Variants in NOP58 observed in about 807,000 individuals in gnomAD.
The protein encoded by NOP58 is nucleolar protein 58.
A neutral mutation model predicts 71.2 loss-of-function variants in NOP58; 44 were observed. The observed-to-expected ratio is 0.62, with a 90% CI of 0.49 to 0.79. The LOEUF is 0.79. NOP58 is among the 30% of genes least tolerant of loss of function. The probability of loss-of-function intolerance (pLI) is 0.00; values close to 1 mark genes in which losing one functional copy is unlikely to be tolerated. For missense variants in NOP58, 538 were observed against 620.2 expected (o/e 0.87, Z 1.41); for synonymous variants, 228 against 200.3 (o/e 1.14, Z -1.17).
intron 2 of NOP58, 124 bp from the exon 3 acceptor site, chr2:202,277,826 T>G: frequency 1.5e-6 from 1 of 650,396 alleles, no homozygotes; most frequent in Non-Finnish European, 2.8e-6. Flanking sequence ...TGATACACAA[T>G]GGTAGGCATG....
chr2:202,272,266 C>T (rs2105837347), intron 1 of NOP58, among the ~76,000 whole-genome samples: 1 of 149,688 alleles, frequency 6.7e-6, no homozygotes, highest in East Asian at 2.0e-4. Flanking sequence ...CATTCTGTTG[C>T]CTCAGCCTCC....
chr2:202,285,103 G>T (rs971907285), intron 5 of NOP58, among the ~76,000 whole-genome samples: 2 of 151,968 alleles, frequency 1.3e-5, no homozygotes, highest in African/African-American at 4.8e-5. Flanking sequence ...GTGCAGTGGC[G>T]TGATCTCTGC....
intron 7 of NOP58, among the ~76,000 whole-genome samples, chr2:202,290,767 T>A (rs1056869591): frequency 6.6e-6 from 1 of 151,754 alleles, no homozygotes; most frequent in African/African-American, 2.4e-5. Flanking sequence ...TGATTGATGG[T>A]TTACTTGCCT....
At chr2:202,271,770 C>T (rs1232296723) in intron 1 of NOP58, among the ~76,000 whole-genome samples, 1 of 152,172 alleles carries the variant, frequency 6.6e-6, no homozygotes, top group South Asian at 2.1e-4. Context: ...AAGCAAGCCC[C>T]TGTCTCTACA....
Position 202,292,798 on chromosome 2 carries a change from C to A in NOP58, c.802C>A (p.Arg268=). The change falls in exon 9 of 15, where the codon CGA becomes AGA. Residue 268 remains arginine, a synonymous_variant. Transcript: ENST00000264279. The part of the protein sequence containing the change: ...CTQVIEISEY[R]TQLYEYLQNR... ...CTAGGTGATTGAAATCTCTGAATAT[C>A]GAACCCAGCTCTATGAATATCTACA... is the stretch of plus-strand genomic sequence containing the variant. The A allele has an allele frequency of 6.2e-7, 1 of 1,610,860 alleles. No homozygotes were observed. The highest frequency in any genetic ancestry group is 8.5e-7 in the Non-Finnish European group (1 of 1,177,064).
chr2:202,299,048 C>A (rs2105857295), intron 12 of NOP58, among the ~76,000 whole-genome samples: 1 of 143,522 alleles, frequency 7.0e-6, no homozygotes, highest in African/African-American at 2.5e-5. Context: ...CAACCTCTGA[C>A]TCCCCGGTTC....
Position 202,301,359 on chromosome 2 carries a change from A to G in NOP58, c.1402+992A>G, listed in dbSNP as rs1352814438. Among the ~76,000 whole-genome samples the G allele has an allele frequency of 2.0e-5, 3 of 151,428 alleles. No individual in the cohort carries two copies. In the East Asian group the frequency reaches 5.8e-4, roughly 29 times the overall value. ...ACCACCACGCCCAGCTAATTTTTTT[A>G]TTTTTAGTAGAGACAGGGTTTCACC... is the stretch of plus-strand genomic sequence containing the variant. On this transcript the variant is annotated intron_variant, in intron 13 of 14. Coordinates refer to ENST00000264279, the MANE Select transcript of NOP58 (RefSeq NM_015934.5).
intron 2 of NOP58, among the ~76,000 whole-genome samples, chr2:202,277,384 A>G (rs1688619990): frequency 6.6e-6 from 1 of 151,870 alleles, no homozygotes; most frequent in African/African-American, 2.4e-5. Flanking sequence ...AGTCTGAGGC[A>G]GGAGAATTGC....
At chr2:202,275,907 G>A (rs773009480) in intron 2 of NOP58, among the ~76,000 whole-genome samples, 7 of 152,258 alleles carry the variant, frequency 4.6e-5, no homozygotes, top group South Asian at 4.1e-4. Context: ...GACCTCAGGC[G>A]ATCCGCCTGC....
chr2:202,294,936 G>A (rs1688966582), intron 9 of NOP58, among the ~76,000 whole-genome samples: 1 of 151,412 alleles, frequency 6.6e-6, no homozygotes, highest in African/African-American at 2.4e-5. Flanking sequence ...CTGCACTCCA[G>A]CCTGCGCAAC....
intron 8 of NOP58, 106 bp downstream of exon 8, chr2:202,291,376 A>G (rs1688891635): frequency 2.5e-6 from 2 of 796,264 alleles, no homozygotes; most frequent in African/African-American, 1.7e-5. Context: ...TCACCTGATA[A>G]CATAAATATG....
chr2:202,290,388 T>A lies in NOP58; in HGVS notation c.565T>A (p.Trp189Arg). The A allele has an allele frequency of 6.2e-7, 1 of 1,608,878 alleles. No homozygotes were observed. Reference sequence around the variant, plus strand: ...TATGCGATGTAGAGAATGGTATGGCTGGCATTTCCCTGAATTAGGAAAAAT... The same window carrying A: ...TATGCGATGTAGAGAATGGTATGGCAGGCATTTCCCTGAATTAGGAAAAAT... ...YIMRCREWYGWHFPELGKIIS... is the reference protein window; with the variant it reads ...YIMRCREWYGRHFPELGKIIS... Residue 189 changes from tryptophan (W) to arginine (R), a missense_variant, in exon 7 of 15, where the codon TGG (tryptophan) becomes AGG (arginine). Physicochemically the swap from Trp to Arg is moderately radical, Grantham distance 101. Transcript: ENST00000264279.
chr2:202,289,442 A>C (rs1357883228), intron 6 of NOP58, among the ~76,000 whole-genome samples: 3 of 152,250 alleles, frequency 2.0e-5, no homozygotes, highest in East Asian at 3.8e-4. Context: ...ATTATTTAAA[A>C]TATTGTGTAA....
At chr2:202,297,982 A>C (rs1689022306) in intron 12 of NOP58, 76 bp downstream of exon 12, 1 of 902,026 alleles carries the variant, frequency 1.1e-6, no homozygotes, top group African/African-American at 1.7e-5. Flanking sequence ...TTTATTGTAA[A>C]CTTCACCTTG....
chr2:202,288,240 T>C (rs1393545582), intron 6 of NOP58, among the ~76,000 whole-genome samples: 1 of 151,642 alleles, frequency 6.6e-6, no homozygotes, highest in Non-Finnish European at 1.5e-5. Flanking sequence ...ATCCCAGCAC[T>C]TTGAGAGGCT....
chr2:202,299,287 A>G (rs1689050361), intron 12 of NOP58, among the ~76,000 whole-genome samples: 2 of 152,186 alleles, frequency 1.3e-5, no homozygotes, highest in South Asian at 2.1e-4. Flanking sequence ...GTAAAATCTT[A>G]TAAGTGGATG....
chr2:202,291,968 CTTTTTTTTTTTTTTT>C (rs869075798), intron 8 of NOP58, among the ~76,000 whole-genome samples: 80 of 43,960 alleles, frequency 1.8e-3, no homozygotes, highest in Admixed American at 4.0e-3. Context: ...TGCTCAGAAT[CTTTTTTTTTTTTTTT>C]TTTTTTTTTT....
At chr2:202,281,137 CT>C (rs59956201) in intron 3 of NOP58, among the ~76,000 whole-genome samples, 490 of 141,960 alleles carry the variant, frequency 3.5e-3, no homozygotes, top group Non-Finnish European at 3.6e-3. Context: ...TTTTCTTTTT[CT>C]TTTTTTTTTT....
chr2:202,270,447 G>T (rs1688497252), intron 1 of NOP58, among the ~76,000 whole-genome samples: 1 of 152,152 alleles, frequency 6.6e-6, no homozygotes, highest in African/African-American at 2.4e-5. Context: ...TGCTCATATT[G>T]TCTGTGGAAG....
Sources: allele counts gnomAD v4.1 joint callset (sites outside exome capture counted in the v4.1 genomes callset), GRCh38; gene constraint gnomAD v4.1.1; transcripts MANE v1.5; gene names NCBI Gene and HGNC (gene_info 2026-07-23, HGNC 2026-07-21).